DPYD: variants seen among roughly 807,000 people sequenced by gnomAD.
DPYD encodes the protein dihydropyrimidine dehydrogenase [NADP(+)].
A neutral mutation model predicts 116.2 loss-of-function variants in DPYD; 109 were observed. The observed-to-expected ratio is 0.94, with a 90% CI of 0.80 to 1.10. The LOEUF (loss-of-function observed/expected upper bound fraction) is 1.10. Ranked by LOEUF, DPYD falls within the 50% of genes least tolerant of loss-of-function variation. The probability of loss-of-function intolerance (pLI) is 0.00; values close to 1 mark genes in which losing one functional copy is unlikely to be tolerated. For missense variants in DPYD, 1,302 were observed against 1,254.5 expected, an observed-to-expected ratio of 1.04 and a Z score of -0.57; for synonymous variants, 440 against 432.0, an observed-to-expected ratio of 1.02 and a Z score of -0.23.
At chr1:97,519,019 G>A (rs571993628) in intron 12 of DPYD, among the ~76,000 whole-genome samples, 2 of 152,018 alleles carry the variant, frequency 1.3e-5, no homozygotes, top group Non-Finnish European at 2.9e-5. Flanking sequence ...CAGAATCAGG[G>A]TTTTAGATGA....
chr1:97,554,685 G>A (rs772142909), intron 11 of DPYD, among the ~76,000 whole-genome samples: 1 of 152,048 alleles, frequency 6.6e-6, no homozygotes, highest in Non-Finnish European at 1.5e-5. Flanking sequence ...GGTAAGGAAG[G>A]GCCAGAACCA....
At chr1:97,471,594 CTTT>C (rs368888805) in intron 13 of DPYD, among the ~76,000 whole-genome samples, 4 of 142,564 alleles carry the variant, frequency 2.8e-5, no homozygotes, top group Admixed American at 7.1e-5. Flanking sequence ...TCCCACTTTC[CTTT>C]TTTTTTTTTT....
intron 8 of DPYD, among the ~76,000 whole-genome samples, chr1:97,630,073 T>C (rs188016944): frequency 4.5e-4 from 69 of 151,948 alleles, no homozygotes; most frequent in African/African-American, 1.6e-3. Context: ...CTAGTACTAA[T>C]ATGATATATA....
chr1:97,478,197 AC>A (rs1319218850), intron 13 of DPYD, among the ~76,000 whole-genome samples: 3 of 152,156 alleles, frequency 2.0e-5, no homozygotes, highest in Non-Finnish European at 4.4e-5. Context: ...TGTTCAGTAA[AC>A]CATGCTGTAA....
chr1:97,920,741 C>A, intron 1 of DPYD, 143 bp downstream of exon 1: 1 of 1,230,856 alleles, frequency 8.1e-7, no homozygotes, highest in South Asian at 1.3e-5. Flanking sequence ...CTCCTCCGCT[C>A]CCCCGCAGAG....
intron 3 of DPYD, among the ~76,000 whole-genome samples, chr1:97,777,569 C>A (rs1666482019): frequency 6.6e-6 from 1 of 152,132 alleles, no homozygotes; most frequent in Non-Finnish European, 1.5e-5. Context: ...GCCAGCTAAC[C>A]CTAGAACACA....
At chr1:97,111,383 T>A (rs1452238409) in intron 20 of DPYD, among the ~76,000 whole-genome samples, 1 of 152,094 alleles carries the variant, frequency 6.6e-6, no homozygotes, top group African/African-American at 2.4e-5. Context: ...TTCAATATAT[T>A]TTAACCACTG....
In DPYD at chr1:97,450,110, A is replaced by AGT; in HGVS notation, c.1853_1854insAC (p.Ala619LeufsTer11). On this transcript the variant is annotated frameshift_variant, in exon 14 of 23. Transcript: ENST00000370192. LOFTEE classifies it high-confidence loss of function. The stretch of plus-strand genomic sequence containing the variant: ...CAGTGACACTTTGACACCAATATGC[A>AGT]GCCGTTTTCTCACTGATGAGCTCAA... The AGT allele has an allele frequency of 1.9e-6, 3 of 1,613,986 alleles. No individual in the cohort carries two copies. The highest frequency in any genetic ancestry group is 2.5e-6 in the Non-Finnish European group (3 of 1,179,930).
At chr1:97,297,720 A>G (rs1006318172) in intron 18 of DPYD, among the ~76,000 whole-genome samples, 4 of 152,332 alleles carry the variant, frequency 2.6e-5, no homozygotes, top group Non-Finnish European at 4.4e-5. Flanking sequence ...GTTTGAGAAC[A>G]TAACTAGGTA....
intron 14 of DPYD, among the ~76,000 whole-genome samples, chr1:97,442,816 T>C (rs775606383): frequency 3.3e-5 from 5 of 152,182 alleles, no homozygotes; most frequent in African/African-American, 4.8e-5. Flanking sequence ...TGAAAATCAA[T>C]TGGGCAATAT....
At position 97,400,243 on chromosome 1, in the gene DPYD, G is replaced by A. The variant is rs140787996; in HGVS notation, c.1906-17782C>T. On this transcript the variant is annotated intron_variant, in intron 14 of 22. Coordinates refer to ENST00000370192, the MANE Select transcript of DPYD (RefSeq NM_000110.4). ...TGTCATTGGTTCTGTTTATATGCTG[G>A]ATTACGTTTATTCATTTGCGTATGT... 6.9e-3 allele frequency among the ~76,000 whole-genome samples: 1,054 copies of A among 152,250 alleles called. 6 individuals carry two copies. Among genetic ancestry groups the A allele is most frequent in the East Asian group, 0.019 (101 of 5,182 alleles).
intron 16 of DPYD, among the ~76,000 whole-genome samples, chr1:97,327,921 A>G (rs1407915677): frequency 6.6e-6 from 1 of 152,126 alleles, no homozygotes; most frequent in Non-Finnish European, 1.5e-5. Context: ...AAGCAAATAC[A>G]TAACAATAGG....
chr1:97,270,802 C>A (rs567662435), intron 18 of DPYD, among the ~76,000 whole-genome samples: 3 of 152,190 alleles, frequency 2.0e-5, no homozygotes, highest in Non-Finnish European at 4.4e-5. Flanking sequence ...CAAACTCTTA[C>A]ATATTTCGAG....
intron 3 of DPYD, among the ~76,000 whole-genome samples, chr1:97,822,809 G>C (rs1669024939): frequency 6.6e-6 from 1 of 152,114 alleles, no homozygotes; most frequent in Non-Finnish European, 1.5e-5. Flanking sequence ...GCAAGAGATT[G>C]GTGTATTTTT....
intron 3 of DPYD, among the ~76,000 whole-genome samples, chr1:97,751,190 G>A (rs1664854337): frequency 6.6e-6 from 1 of 151,560 alleles, no homozygotes; most frequent in South Asian, 2.1e-4. Flanking sequence ...TCTAAGTTCT[G>A]TGCTGGCAAA....
intron 2 of DPYD, among the ~76,000 whole-genome samples, chr1:97,836,900 C>T (rs1669796054): frequency 6.6e-6 from 1 of 151,888 alleles, no homozygotes; most frequent in South Asian, 2.1e-4. Flanking sequence ...ATGGTTGGTA[C>T]TAGATAGATA....
intron 4 of DPYD, among the ~76,000 whole-genome samples, chr1:97,729,205 C>T (rs1292249471): frequency 6.6e-6 from 1 of 152,044 alleles, no homozygotes; most frequent in African/African-American, 2.4e-5. Flanking sequence ...CATACAAGCA[C>T]GTGCACACAT....
chr1:97,177,792 C>G (rs1287178597), intron 20 of DPYD, among the ~76,000 whole-genome samples: 2 of 152,028 alleles, frequency 1.3e-5, no homozygotes, highest in Non-Finnish European at 2.9e-5. Flanking sequence ...GTTCAGGCTG[C>G]TATAATAAAA....
chr1:97,413,613 C>T (rs971942651), intron 14 of DPYD, among the ~76,000 whole-genome samples: 1 of 151,944 alleles, frequency 6.6e-6, no homozygotes, highest in East Asian at 1.9e-4. Context: ...ACGGACACTA[C>T]AGGCCCATGC....
Sources: gnomAD v4.1 joint callset for allele counts (sites outside exome capture counted in the v4.1 genomes callset) on GRCh38, gnomAD v4.1.1 for gene constraint, MANE v1.5 for transcripts, NCBI Gene and HGNC (gene_info 2026-07-23, HGNC 2026-07-21) for gene names.